KDM4B: variants seen among roughly 807,000 people sequenced by gnomAD.
KDM4B encodes the protein lysine demethylase 4B, also known as lysine-specific demethylase 4B.
KDM4B carries 32 observed loss-of-function variants against 125.2 expected under a neutral mutation model. The ratio of observed to expected loss-of-function variants is 0.26; its 90% CI spans 0.19 to 0.34. KDM4B has a LOEUF of 0.34. Ranked by LOEUF, KDM4B falls within the 10% of genes least tolerant of loss-of-function variation. The probability of loss-of-function intolerance (pLI) is 1.00; values close to 1 mark genes in which losing one functional copy is unlikely to be tolerated. For synonymous variants in KDM4B, 721 were observed against 677.9 expected, an observed-to-expected ratio of 1.06 and a Z score of -0.99; for missense variants, 1,190 against 1,577.7, an observed-to-expected ratio of 0.75 and a Z score of 4.16.
intron 10 of KDM4B, among the ~76,000 whole-genome samples, chr19:5,117,926 G>C (rs2039288792): frequency 6.6e-6 from 1 of 152,204 alleles, no homozygotes; most frequent in African/African-American, 2.4e-5. Context: ...CAGCTGAGGA[G>C]CAAGGAGGGC....
At chr19:5,109,770 A>G (rs2039104862) in intron 9 of KDM4B, among the ~76,000 whole-genome samples, 1 of 152,042 alleles carries the variant, frequency 6.6e-6, no homozygotes, top group African/African-American at 2.4e-5. Flanking sequence ...CCTGTGGGCC[A>G]CCGTCGCCCT....
intron 1 of KDM4B, among the ~76,000 whole-genome samples, chr19:4,983,489 G>T (rs772916742): frequency 3.0e-4 from 45 of 152,236 alleles, no homozygotes; most frequent in Non-Finnish European, 5.3e-4. Context: ...TATCTTCCCA[G>T]TGGGCTCTCG....
chr19:5,092,058 T>C (rs570695855), intron 9 of KDM4B, among the ~76,000 whole-genome samples: 15 of 152,172 alleles, frequency 9.9e-5, no homozygotes, highest in Non-Finnish European at 1.8e-4. Flanking sequence ...AATCTGCAGC[T>C]AAGACCAGGC....
At chr19:5,138,108 T>C in intron 18 of KDM4B, 38 bp downstream of exon 18, 2 of 1,513,230 alleles carry the variant, frequency 1.3e-6, no homozygotes, top group Non-Finnish European at 1.8e-6. Flanking sequence ...TGCCCGTGCC[T>C]CTAGGGCTGC....
chr19:5,002,937 C>T (rs1045163186), intron 1 of KDM4B, among the ~76,000 whole-genome samples: 2 of 152,088 alleles, frequency 1.3e-5, no homozygotes, highest in African/African-American at 2.4e-5. Context: ...AGTGACAGAG[C>T]GAGACCCTGT....
intron 1 of KDM4B, among the ~76,000 whole-genome samples, chr19:5,008,200 G>C (rs572893964): frequency 6.6e-6 from 1 of 152,348 alleles, no homozygotes; most frequent in South Asian, 2.1e-4. Context: ...TATGGTGTGA[G>C]GTAAGGGTCC....
At chr19:5,094,828 C>T (rs1200601898) in intron 9 of KDM4B, among the ~76,000 whole-genome samples, 1 of 152,208 alleles carries the variant, frequency 6.6e-6, no homozygotes, top group Non-Finnish European at 1.5e-5. Context: ...CTCCACTCCT[C>T]AGTCAGGCCA....
chr19:5,003,129 C>T (rs375980235), intron 1 of KDM4B, among the ~76,000 whole-genome samples: 1 of 152,150 alleles, frequency 6.6e-6, no homozygotes, highest in Non-Finnish European at 1.5e-5. Context: ...CGCAGAGGTG[C>T]GAGGTGGGGA....
At chr19:5,004,360 A>C (rs370117427) in intron 1 of KDM4B, among the ~76,000 whole-genome samples, 42 of 152,198 alleles carry the variant, frequency 2.8e-4, no homozygotes, top group African/African-American at 9.9e-4. Context: ...CCTGGAGTGC[A>C]TGGCCCACAG....
At chr19:5,026,684 C>T (rs928935648) in intron 2 of KDM4B, among the ~76,000 whole-genome samples, 14 of 152,076 alleles carry the variant, frequency 9.2e-5, no homozygotes, top group African/African-American at 3.4e-4. Context: ...TGGGATGGGT[C>T]AGGGTGGGGT....
intron 9 of KDM4B, among the ~76,000 whole-genome samples, chr19:5,089,909 T>C (rs550448367): frequency 3.9e-5 from 6 of 152,286 alleles, no homozygotes; most frequent in South Asian, 2.1e-4. Flanking sequence ...CAGTGACTCA[T>C]GCCTCTAATC....
At chr19:5,006,105 C>T (rs1329862827) in intron 1 of KDM4B, among the ~76,000 whole-genome samples, 1 of 152,076 alleles carries the variant, frequency 6.6e-6, no homozygotes, top group Non-Finnish European at 1.5e-5. Flanking sequence ...CTGGTGGCGG[C>T]GGCAGGGAGC....
chr19:5,069,309 T>G (rs554519037), intron 6 of KDM4B, among the ~76,000 whole-genome samples: 7 of 152,230 alleles, frequency 4.6e-5, no homozygotes, highest in African/African-American at 1.4e-4. Flanking sequence ...ATTTTTATTT[T>G]TATTTTTTTT....
chr19:5,153,170 G>A lies in KDM4B; in HGVS notation c.*1659G>A, dbSNP rs764794117. ...CAAGCCTTTCATTTCCTTGGTGGGG[G>A]AGGGGGGCGGTTGCCCTGGAGAGGG... On this transcript the variant is annotated 3_prime_UTR_variant, in exon 23 of 23. Coordinates refer to ENST00000159111, the MANE Select transcript of KDM4B (RefSeq NM_015015.3). 1.3e-5 allele frequency: 2 copies of A among 152,194 alleles called. No individual in the cohort carries two copies. The highest frequency in any genetic ancestry group is 2.9e-5 in the Non-Finnish European group (2 of 68,058). The allele number at this position is 152,194 out of a possible 1,614,324, so 9.4% of individuals were successfully genotyped here. A position where few individuals can be genotyped will look rare whatever the true frequency, so the allele number is the denominator to read the frequency against.
At chr19:5,117,478 C>T (rs2039279524) in intron 10 of KDM4B, among the ~76,000 whole-genome samples, 1 of 152,124 alleles carries the variant, frequency 6.6e-6, no homozygotes, top group African/African-American at 2.4e-5. Context: ...AGCCCTGGGG[C>T]ATTCCCAGAC....
intron 5 of KDM4B, among the ~76,000 whole-genome samples, chr19:5,045,083 C>T (rs868766242): frequency 6.6e-6 from 1 of 152,132 alleles, no homozygotes; most frequent in African/African-American, 2.4e-5. Flanking sequence ...GTTGCTGGAC[C>T]ACGTGGTGAG....
intron 9 of KDM4B, among the ~76,000 whole-genome samples, chr19:5,097,191 T>G (rs974015643): frequency 6.6e-6 from 1 of 152,142 alleles, no homozygotes; most frequent in African/African-American, 2.4e-5. Flanking sequence ...TTCTTAAATA[T>G]GTAGTAAAAG....
At chr19:5,100,542 C>T (rs534199610) in intron 9 of KDM4B, among the ~76,000 whole-genome samples, 1 of 152,322 alleles carries the variant, frequency 6.6e-6, no homozygotes, top group Admixed American at 6.5e-5. Context: ...ATCCTCCTGC[C>T]TCAGCCTCCT....
chr19:5,024,635 C>G (rs1468059239), intron 2 of KDM4B, among the ~76,000 whole-genome samples: 4 of 149,658 alleles, frequency 2.7e-5, no homozygotes, highest in African/African-American at 1.0e-4. Context: ...GTCCCTGGAA[C>G]AAACAGCTGC....
Sources: allele counts gnomAD v4.1 joint callset (sites outside exome capture counted in the v4.1 genomes callset), GRCh38; gene constraint gnomAD v4.1.1; transcripts MANE v1.5; gene names NCBI Gene and HGNC (gene_info 2026-07-23, HGNC 2026-07-21).